Variants in SAMD5 observed in about 807,000 individuals in gnomAD.
SAMD5 encodes the protein sterile alpha motif domain containing 5.
SAMD5 carries 13 observed loss-of-function variants against 11.3 expected under a neutral mutation model. That is an observed-to-expected ratio of 1.15 (90% CI 0.75 to 1.83). The LOEUF (loss-of-function observed/expected upper bound fraction) is 1.83, where lower values mean the gene tolerates loss of function less well. SAMD5 is among the 40% of genes most tolerant of loss of function. The pLI, the probability that SAMD5 is intolerant of heterozygous loss-of-function variation, is 0.00. For missense variants in SAMD5, 255 were observed against 239.1 expected, an observed-to-expected ratio of 1.07 and a Z score of -0.44; for synonymous variants, 129 against 111.3, an observed-to-expected ratio of 1.16 and a Z score of -1.00.
chr6:147,883,779 T>C, the SAMD5 span, among the ~76,000 whole-genome samples: 2 of 152,338 alleles, frequency 1.3e-5, no homozygotes, highest in South Asian at 4.1e-4. Context: ...GTATAGGTTT[T>C]GATGTTCTAA....
At chr6:147,803,674 AGACATTT>A in the SAMD5 span, among the ~76,000 whole-genome samples, 1 of 152,228 alleles carries the variant, frequency 6.6e-6, no homozygotes, top group Non-Finnish European at 1.5e-5. Flanking sequence ...CATGTAGACA[AGACATTT>A]GACCCATCTG....
At chr6:147,781,769 T>TGCGCGC in the SAMD5 span, among the ~76,000 whole-genome samples, 10 of 81,706 alleles carry the variant, frequency 1.2e-4, no homozygotes, top group African/African-American at 5.3e-4. Flanking sequence ...ATAATTTGTG[T>TGCGCGC]GCGCACACAC....
At chr6:147,611,222 TA>T (rs1308737820) in intron 1 of SAMD5, among the ~76,000 whole-genome samples, 2 of 152,074 alleles carry the variant, frequency 1.3e-5, no homozygotes, top group African/African-American at 4.8e-5. Flanking sequence ...TGGAACTACA[TA>T]CAAACCCTTA....
intron 1 of SAMD5, among the ~76,000 whole-genome samples, chr6:147,701,722 G>T (rs1791256271): frequency 1.3e-5 from 2 of 151,850 alleles, no homozygotes; most frequent in Admixed American, 1.3e-4. Context: ...TTTTGATTAG[G>T]AACACTTGCC....
At chr6:147,860,224 C>G in the SAMD5 span, among the ~76,000 whole-genome samples, 1 of 152,190 alleles carries the variant, frequency 6.6e-6, no homozygotes, top group African/African-American at 2.4e-5. Flanking sequence ...CATGGACTGT[C>G]ACATGGCATT....
intron 1 of SAMD5, among the ~76,000 whole-genome samples, chr6:147,622,039 G>T (rs898710701): frequency 1.3e-5 from 2 of 152,144 alleles, no homozygotes; most frequent in East Asian, 3.9e-4. Flanking sequence ...GAAGAGTTTT[G>T]CCTGGGCTGT....
intron 1 of SAMD5, among the ~76,000 whole-genome samples, chr6:147,706,226 T>A (rs534348945): frequency 7.4e-4 from 113 of 152,184 alleles, no homozygotes; most frequent in Non-Finnish European, 1.3e-3. Context: ...GGTTTTTTTG[T>A]TTTTGTTTTT....
chr6:147,576,418 C>T (rs536758721), intron 1 of SAMD5, among the ~76,000 whole-genome samples: 4 of 152,100 alleles, frequency 2.6e-5, no homozygotes, highest in Non-Finnish European at 4.4e-5. Context: ...GGATTACAGG[C>T]GTGAGCCACT....
At chr6:147,531,996 A>G (rs904422701) in intron 1 of SAMD5, among the ~76,000 whole-genome samples, 1 of 152,198 alleles carries the variant, frequency 6.6e-6, no homozygotes, top group Non-Finnish European at 1.5e-5. Flanking sequence ...TTTCTATAGA[A>G]TAGGATCACA....
chr6:147,837,836 G>A, the SAMD5 span, among the ~76,000 whole-genome samples: 1 of 152,108 alleles, frequency 6.6e-6, no homozygotes, highest in Non-Finnish European at 1.5e-5. Context: ...GCCACTCTGA[G>A]AACTAAAATA....
At chr6:147,622,842 C>T (rs1223131554) in intron 1 of SAMD5, among the ~76,000 whole-genome samples, 4 of 152,140 alleles carry the variant, frequency 2.6e-5, no homozygotes, top group African/African-American at 9.7e-5. Context: ...ATGGGGAGGC[C>T]TCACAATCAT....
chr6:147,637,867 T>TG (rs1428502934), intron 1 of SAMD5, among the ~76,000 whole-genome samples: 2 of 152,122 alleles, frequency 1.3e-5, no homozygotes, highest in Non-Finnish European at 2.9e-5. Flanking sequence ...TCGGTTTTTT[T>TG]TTTTTTTCAT....
In SAMD5 at chr6:147,558,493, G is replaced by A. The variant is rs796840917; in HGVS notation, c.460-5901G>A. 4.6e-5 allele frequency among the ~76,000 whole-genome samples: 7 copies of A among 152,180 alleles called. 1 individual carries two copies. The highest frequency in any genetic ancestry group is 1.7e-4 in the African/African-American group (7 of 41,520). ...TCACAAGACAGAGGAAAAATCTAAA[G>A]GCATCTATCACTGTGATTCCAGACA... On this transcript the variant is annotated intron_variant, in intron 1 of 1. Transcript: ENST00000367474.
intron 1 of SAMD5, among the ~76,000 whole-genome samples, chr6:147,537,579 C>T (rs1788529523): frequency 6.9e-6 from 1 of 144,580 alleles, no homozygotes; most frequent in East Asian, 2.1e-4. Flanking sequence ...GGTGAAACCC[C>T]GTCTCTACTA....
the SAMD5 span, among the ~76,000 whole-genome samples, chr6:147,865,610 G>A: frequency 6.6e-6 from 1 of 152,070 alleles, no homozygotes; most frequent in Non-Finnish European, 1.5e-5. Context: ...AAAGGTCCCC[G>A]TTGTTGTGAT....
chr6:147,803,268 AT>A, the SAMD5 span, among the ~76,000 whole-genome samples: 3 of 150,356 alleles, frequency 2.0e-5, no homozygotes, highest in African/African-American at 7.4e-5. Context: ...AAACCTTTGA[AT>A]TTTTTTCTGC....
At chr6:147,909,632 C>CCTTCCTTCCTTCCTTCCTTCCT in the SAMD5 span, among the ~76,000 whole-genome samples, 10 of 61,154 alleles carry the variant, frequency 1.6e-4, no homozygotes, top group African/African-American at 1.2e-3. Context: ...TTCTTTCTTT[C>CCTTCCTTCCTTCCTTCCTTCCT]TCTTTCTTGT....
chr6:147,685,460 G>A (rs563980141), intron 1 of SAMD5, among the ~76,000 whole-genome samples: 5 of 152,206 alleles, frequency 3.3e-5, no homozygotes, highest in Admixed American at 6.5e-5. Flanking sequence ...GGCATGAGCC[G>A]CTACACCCAG....
At chr6:147,777,259 A>T in the SAMD5 span, among the ~76,000 whole-genome samples, 9 of 152,182 alleles carry the variant, frequency 5.9e-5, no homozygotes, top group South Asian at 1.9e-3. Context: ...TGCCGATGAC[A>T]TTGGTTAATG....
Sources: allele counts gnomAD v4.1 joint callset (sites outside exome capture counted in the v4.1 genomes callset), GRCh38; gene constraint gnomAD v4.1.1; transcripts MANE v1.5; gene names NCBI Gene and HGNC (gene_info 2026-07-23, HGNC 2026-07-21).